Variants in FHIT observed in about 807,000 individuals in gnomAD.
FHIT encodes fragile histidine triad diadenosine triphosphatase.
FHIT carries 19 observed loss-of-function variants against 17.9 expected under a neutral mutation model. That is an observed-to-expected ratio of 1.06 (90% CI 0.74 to 1.56). FHIT has a LOEUF of 1.56. Ranked by LOEUF, FHIT falls within the 40% of genes most tolerant of loss-of-function variation. The pLI is 0.00. For missense variants in FHIT, 248 were observed against 189.2 expected, an observed-to-expected ratio of 1.31 and a Z score of -1.82; for synonymous variants, 81 against 69.7, an observed-to-expected ratio of 1.16 and a Z score of -0.81.
At chr3:60,510,634 G>A (rs1169992660) in intron 5 of FHIT, among the ~76,000 whole-genome samples, 3 of 152,138 alleles carry the variant, frequency 2.0e-5, no homozygotes, top group Non-Finnish European at 4.4e-5. Flanking sequence ...CCAAGACAGA[G>A]ATGTGAGTTC....
At position 61,239,760 on chromosome 3, in the gene FHIT, GCCATATATATAT is replaced by G. The variant is rs1236362230; in HGVS notation, c.-213+11529_-213+11540del. Among the ~76,000 whole-genome samples the G allele has an allele frequency of 3.8e-3, 123 of 32,304 alleles. 11 individuals carry two copies. In the East Asian group the frequency reaches 0.057, roughly 15 times the overall value. 21.2% of individuals were successfully genotyped at this position (32,304 alleles called of 152,430 possible). Reference sequence around the variant, plus strand: ...ATAAAACTGCAAAGAAAAACAACTGGCCATATATATATATATATATATATACACAAATTCTAA... The same window carrying G: ...ATAAAACTGCAAAGAAAAACAACTGGATATATATATATACACAAATTCTAA... On this transcript the variant is annotated intron_variant, in intron 1 of 9. Transcript: ENST00000492590.
intron 8 of FHIT, among the ~76,000 whole-genome samples, chr3:59,839,278 A>G (rs1223444781): frequency 6.6e-6 from 1 of 151,336 alleles, no homozygotes; most frequent in African/African-American, 2.4e-5. Context: ...AGATCATGCC[A>G]TTGCACTCCA....
At chr3:60,893,345 A>T (rs6799687) in intron 3 of FHIT, among the ~76,000 whole-genome samples, 5 of 152,184 alleles carry the variant, frequency 3.3e-5, no homozygotes, top group Admixed American at 1.3e-4. Flanking sequence ...TGAATGCTCT[A>T]GTGACACATA....
rs1305644407 is a variant in FHIT, at chr3:60,860,788, A to C, written c.-110-38777T>G. On this transcript the variant is annotated intron_variant, in intron 3 of 9. Transcript: ENST00000492590. Reference sequence around the variant, plus strand: ...TACATATGTATCATATATCAGGTATATATGATACATATGTACATATATATC... The same window carrying C: ...TACATATGTATCATATATCAGGTATCTATGATACATATGTACATATATATC... Among the ~76,000 whole-genome samples the C allele has an allele frequency of 1.1e-4, 2 of 18,718 alleles. 1 individual carries two copies. Among genetic ancestry groups the C allele is most frequent in the Non-Finnish European group, 1.9e-4 (2 of 10,440 alleles). The allele number at this position is 18,718 out of a possible 152,430, so 12.3% of individuals were successfully genotyped here. A position where few individuals can be genotyped will look rare whatever the true frequency, so the allele number is the denominator to read the frequency against.
intron 6 of FHIT, among the ~76,000 whole-genome samples, chr3:60,012,261 TTG>T (rs1491052549): frequency 1.5e-3 from 206 of 137,984 alleles, no homozygotes; most frequent in African/African-American, 6.0e-3. Flanking sequence ...GGTGTTTTTT[TTG>T]TTGTTTTTTT....
At chr3:60,566,645 G>A (rs546578152) in intron 4 of FHIT, among the ~76,000 whole-genome samples, 2 of 152,060 alleles carry the variant, frequency 1.3e-5, no homozygotes, top group Non-Finnish European at 2.9e-5. Flanking sequence ...AGGGCATTCA[G>A]TTAAGAAAAG....
chr3:60,292,083 G>A (rs565658768), intron 5 of FHIT, among the ~76,000 whole-genome samples: 1 of 152,046 alleles, frequency 6.6e-6, no homozygotes, highest in African/African-American at 2.4e-5. Context: ...TCAACTAGAC[G>A]TGAGAGCCAC....
At chr3:60,300,993 CT>C (rs1473482283) in intron 5 of FHIT, among the ~76,000 whole-genome samples, 1 of 151,924 alleles carries the variant, frequency 6.6e-6, no homozygotes, top group Non-Finnish European at 1.5e-5. Flanking sequence ...GCTAGATCAT[CT>C]TTCAAGCACC....
At chr3:61,107,290 C>T (rs1055223381) in intron 2 of FHIT, among the ~76,000 whole-genome samples, 9 of 152,258 alleles carry the variant, frequency 5.9e-5, no homozygotes, top group African/African-American at 1.9e-4. Context: ...CAGTTTGTCT[C>T]CAATAACAGG....
At chr3:60,932,002 C>T (rs1478395366) in intron 3 of FHIT, among the ~76,000 whole-genome samples, 1 of 152,138 alleles carries the variant, frequency 6.6e-6, no homozygotes, top group Non-Finnish European at 1.5e-5. Flanking sequence ...GTGTAGAGAA[C>T]TTTTCAAGTC....
intron 3 of FHIT, among the ~76,000 whole-genome samples, chr3:61,003,647 A>C (rs536793714): frequency 6.6e-6 from 1 of 152,378 alleles, no homozygotes; most frequent in South Asian, 2.1e-4. Context: ...TTTCAATGTA[A>C]GAAATATCAA....
chr3:61,148,462 A>T (rs184310911), intron 2 of FHIT, among the ~76,000 whole-genome samples: 2 of 152,260 alleles, frequency 1.3e-5, no homozygotes, highest in East Asian at 1.9e-4. Flanking sequence ...TACAGTATGC[A>T]TTCTTTTGTT....
chr3:60,446,430 T>A (rs2031335947), intron 5 of FHIT, among the ~76,000 whole-genome samples: 1 of 152,186 alleles, frequency 6.6e-6, no homozygotes, highest in African/African-American at 2.4e-5. Flanking sequence ...CAAAGCTGGT[T>A]AGTGTTTTGA....
At chr3:60,733,201 G>C (rs1270423275) in intron 4 of FHIT, among the ~76,000 whole-genome samples, 1 of 152,152 alleles carries the variant, frequency 6.6e-6, no homozygotes, top group African/African-American at 2.4e-5. Flanking sequence ...CAAACCACTC[G>C]TGTATCATGG....
At chr3:60,084,473 G>C (rs1703417890) in intron 5 of FHIT, among the ~76,000 whole-genome samples, 1 of 152,122 alleles carries the variant, frequency 6.6e-6, no homozygotes, top group Non-Finnish European at 1.5e-5. Context: ...AATTCATGAA[G>C]TTTAGGATCT....
chr3:60,361,780 T>C (rs1290512867), intron 5 of FHIT, among the ~76,000 whole-genome samples: 2 of 152,250 alleles, frequency 1.3e-5, no homozygotes, highest in African/African-American at 4.8e-5. Flanking sequence ...ACCATATCTC[T>C]CCTGACTCGT....
At chr3:60,070,605 T>A (rs1464541690) in intron 5 of FHIT, among the ~76,000 whole-genome samples, 7 of 152,172 alleles carry the variant, frequency 4.6e-5, no homozygotes, top group African/African-American at 1.7e-4. Context: ...TTTGTCACAT[T>A]CTTTAGGTGC....
chr3:61,022,411 A>C (rs2032494151), intron 3 of FHIT, among the ~76,000 whole-genome samples: 1 of 152,232 alleles, frequency 6.6e-6, no homozygotes, highest in African/African-American at 2.4e-5. Flanking sequence ...ATTCTACCAG[A>C]GGTAAAAGAG....
chr3:60,688,838 G>T (rs2107879872), intron 4 of FHIT, among the ~76,000 whole-genome samples: 1 of 152,268 alleles, frequency 6.6e-6, no homozygotes, highest in East Asian at 1.9e-4. Flanking sequence ...CATGCTTTGT[G>T]TAGTTTATGC....
Sources: gnomAD v4.1 joint callset for allele counts (sites outside exome capture counted in the v4.1 genomes callset) on GRCh38, gnomAD v4.1.1 for gene constraint, MANE v1.5 for transcripts, NCBI Gene and HGNC (gene_info 2026-07-23, HGNC 2026-07-21) for gene names.